The following ATP13A5 variants were observed in gnomAD, a reference collection of about 807,000 sequenced individuals.
ATP13A5 encodes ATPase 13A5, also known as probable cation-transporting ATPase 13A5.
A neutral mutation model predicts 150.2 loss-of-function variants in ATP13A5; 149 were observed. The observed-to-expected ratio is 0.99, with a 90% confidence interval of 0.87 to 1.14. The LOEUF (loss-of-function observed/expected upper bound fraction) is 1.14, where lower values mean the gene tolerates loss of function less well. Ranked by LOEUF, ATP13A5 falls within the 50% of genes most tolerant of loss-of-function variation. The probability of loss-of-function intolerance (pLI) is 0.00; values close to 1 mark genes in which losing one functional copy is unlikely to be tolerated. For missense variants in ATP13A5, 1,383 were observed against 1,449.3 expected, an observed-to-expected ratio of 0.95 and a Z score of 0.74; for synonymous variants, 497 against 522.2, an observed-to-expected ratio of 0.95 and a Z score of 0.66.
intron 13 of ATP13A5, among the ~76,000 whole-genome samples, chr3:193,325,825 G>C (rs1476617080): frequency 6.6e-6 from 1 of 152,192 alleles, no homozygotes; most frequent in Non-Finnish European, 1.5e-5. Context: ...AATAGTGATT[G>C]TGTCTAGTTG....
intron 7 of ATP13A5, among the ~76,000 whole-genome samples, chr3:193,350,208 G>A (rs34866630): frequency 3.3e-5 from 5 of 151,814 alleles, no homozygotes; most frequent in African/African-American, 1.2e-4. Flanking sequence ...CTCCATATAA[G>A]CTGGTATATA....
At chr3:193,280,428 T>C (rs536499704) in intron 27 of ATP13A5, among the ~76,000 whole-genome samples, 10 of 152,334 alleles carry the variant, frequency 6.6e-5, no homozygotes, top group Non-Finnish European at 1.5e-4. Flanking sequence ...TTATTTCATA[T>C]AGTATGTATC....
At chr3:193,358,675 T>G (rs1712885057) in intron 5 of ATP13A5, among the ~76,000 whole-genome samples, 2 of 152,202 alleles carry the variant, frequency 1.3e-5, no homozygotes, top group South Asian at 2.1e-4. Flanking sequence ...AATTGCATGT[T>G]TTCAGATAGC....
chr3:193,378,655 A>C lies in ATP13A5; in HGVS notation c.63+8T>G. 1 of 1,612,306 alleles carries C rather than the reference A, an allele frequency of 6.2e-7. No individual in the cohort carries two copies. Among genetic ancestry groups the C allele is most frequent in the South Asian group, 1.1e-5 (1 of 91,026 alleles). On this transcript the variant is annotated splice_region_variant and intron_variant, in intron 1 of 29. Transcript: ENST00000342358. The stretch of plus-strand genomic sequence containing the variant: ...TGAGAAGACTAATAAAATAAAGGGA[A>C]GACTCACCAGTTCATCCTCCTCTCC...
intron 27 of ATP13A5, 73 bp downstream of exon 27, chr3:193,284,841 T>C (rs905234369): frequency 1.7e-6 from 2 of 1,206,698 alleles, no homozygotes; most frequent in African/African-American, 3.1e-5. Context: ...ATTTCACCAG[T>C]GAGGTACAAC....
rs374767252 is a variant in ATP13A5 at position 193,301,250 on chromosome 3, G to A, written c.2736C>T (p.Tyr912=). The A allele has an allele frequency of 4.2e-5, 67 of 1,613,278 alleles. No homozygotes were observed. Among genetic ancestry groups the A allele is most frequent in the Middle Eastern group, 1.6e-4 (1 of 6,064 alleles). ...ATGCACTGATAAACTGGATTATGCC[G>A]TACATGGTCAAGTATTTAAATACTC... The part of the protein sequence containing the change: ...SFGVFKYLTM[Y]GIIQFISALL... Residue 912 remains tyrosine, a synonymous_variant, in exon 24 of 30, where the codon TAC becomes TAT. Transcript: ENST00000342358.
chr3:193,332,246 G>A (rs943788994), intron 11 of ATP13A5, among the ~76,000 whole-genome samples: 27 of 152,332 alleles, frequency 1.8e-4, no homozygotes, highest in Middle Eastern at 6.8e-3. Context: ...TGTAAGACAT[G>A]TTTTGCTTCT....
chr3:193,298,113 A>G (rs1718245462), intron 25 of ATP13A5, among the ~76,000 whole-genome samples: 1 of 152,132 alleles, frequency 6.6e-6, no homozygotes, highest in Non-Finnish European at 1.5e-5. Context: ...TCACGAAAAC[A>G]GGCCACAATA....
rs1014490094 is a variant in ATP13A5, at chr3:193,333,779, A to T, written c.1243T>A (p.Tyr415Asn). The change falls in exon 11 of 30, where the codon TAT becomes AAT. Residue 415 changes from tyrosine (Y) to asparagine (N), a missense_variant. Around this residue, in one of 3 missense-constraint regions of ATP13A5, gnomAD observed 787 missense variants for 771.9 expected, o/e 1.02. Transcript: ENST00000342358. ...LACLGVMGFF[Y>N]ALGVYMYHGV... ...TGGTACATATATACCCCTAGGGCAT[A>T]GAAAAAACCCATGACACCAAGGCAG... The T allele has an allele frequency of 1.9e-6, 3 of 1,613,914 alleles. No homozygotes were observed. In the Admixed American group the frequency reaches 5.0e-5, roughly 27 times the overall value.
chr3:193,333,261 T>C (rs1476874080), intron 11 of ATP13A5, among the ~76,000 whole-genome samples: 1 of 152,086 alleles, frequency 6.6e-6, no homozygotes, highest in Non-Finnish European at 1.5e-5. Flanking sequence ...TGTTTGGATG[T>C]TTTATTCACA....
chr3:193,331,078 T>C (rs1179628297), intron 12 of ATP13A5, 45 bp downstream of exon 12: 1 of 1,568,596 alleles, frequency 6.4e-7, no homozygotes, highest in Non-Finnish European at 8.7e-7. Flanking sequence ...AGCTCCACCA[T>C]GCCTTGAAAT....
chr3:193,343,864 G>T, intron 9 of ATP13A5, 63 bp downstream of exon 9: 1 of 1,556,366 alleles, frequency 6.4e-7, no homozygotes, highest in Non-Finnish European at 8.7e-7. Context: ...TAAGGTAGGT[G>T]AGGATATGTT....
At chr3:193,293,850 T>C (rs1228337280) in intron 25 of ATP13A5, among the ~76,000 whole-genome samples, 4 of 151,902 alleles carry the variant, frequency 2.6e-5, no homozygotes, top group East Asian at 1.9e-4. Flanking sequence ...ACAGATGGGG[T>C]GTACGAGATG....
chr3:193,326,783 C>G (rs191161419), intron 13 of ATP13A5, among the ~76,000 whole-genome samples: 17 of 152,320 alleles, frequency 1.1e-4, no homozygotes, highest in Middle Eastern at 3.4e-3. Flanking sequence ...TCATCCTACT[C>G]CATTTTTCAT....
chr3:193,364,768 G>C (rs2037427), intron 1 of ATP13A5, among the ~76,000 whole-genome samples: 144,048 of 152,230 alleles, frequency 0.95, 68,169 homozygotes, highest in Middle Eastern at 0.98. Flanking sequence ...TAACATGATT[G>C]AGGACGACGG....
At chr3:193,303,459 A>ATG (rs1383186708) in intron 23 of ATP13A5, among the ~76,000 whole-genome samples, 1 of 152,016 alleles carries the variant, frequency 6.6e-6, no homozygotes, top group African/African-American at 2.4e-5. Flanking sequence ...TTGTGTGTGT[A>ATG]TGTGTGTGTA....
At position 193,314,129 on chromosome 3, in the gene ATP13A5, T is replaced by C. The variant is rs778881662; in HGVS notation, c.2223A>G (p.Gln741=). The part of the protein sequence containing the change: ...KNSEMIPPGS[Q]VIIVEADEPE... ...GTTCATCGGCCTCAACAATGATCAC[T>C]TGGCTGCCTGGAGGGATCATTTCAG... Residue 741 remains glutamine (Q), a synonymous_variant, in exon 19 of 30, where the codon CAA becomes CAG. Transcript: ENST00000342358. 2.5e-6 allele frequency: 4 copies of C among 1,613,944 alleles called. No homozygotes were observed. Among genetic ancestry groups the C allele is most frequent in the Non-Finnish European group, 2.5e-6 (3 of 1,179,882 alleles).
intron 27 of ATP13A5, among the ~76,000 whole-genome samples, chr3:193,280,782 A>G (rs184846237): frequency 3.4e-4 from 52 of 152,314 alleles, no homozygotes; most frequent in Admixed American, 3.2e-3. Context: ...CAGCATTGCC[A>G]TGATACAAAT....
rs997896252 is a variant in ATP13A5 at position 193,309,739 on chromosome 3, C to T, written c.2525+899G>A. Among the ~76,000 whole-genome samples the T allele has an allele frequency of 7.9e-5, 12 of 152,132 alleles. 1 individual carries two copies. Among genetic ancestry groups the T allele is most frequent in the Admixed American group, 6.6e-4 (10 of 15,266 alleles). On this transcript the variant is annotated intron_variant, in intron 21 of 29. Coordinates refer to ENST00000342358, the MANE Select transcript of ATP13A5 (RefSeq NM_198505.4). ...CAAGGAACTGAGGTTGGCTTCTGTC[C>T]GCTAGCCAGTGAAAAACTGAGGTTC...
Sources: gnomAD v4.1 joint callset for allele counts (sites outside exome capture counted in the v4.1 genomes callset) on GRCh38, gnomAD v4.1.1 for gene constraint, gnomAD v4.1.1 regional missense constraint, MANE v1.5 for transcripts, NCBI Gene and HGNC (gene_info 2026-07-23, HGNC 2026-07-21) for gene names.